Variants in SLC30A5 observed in about 807,000 individuals in gnomAD.
SLC30A5 encodes proton-coupled zinc antiporter SLC30A5.
SLC30A5 carries 33 observed loss-of-function variants against 79.6 expected under a neutral mutation model. The ratio of observed to expected loss-of-function variants is 0.41; its 90% confidence interval spans 0.31 to 0.55. The LOEUF (loss-of-function observed/expected upper bound fraction) is 0.55. Ranked by LOEUF, SLC30A5 falls within the 20% of genes least tolerant of loss-of-function variation. The pLI, the probability that SLC30A5 is intolerant of heterozygous loss-of-function variation, is 0.20. For synonymous variants in SLC30A5, 299 were observed against 319.7 expected (o/e 0.94, Z 0.69); for missense variants, 788 against 928.1 (o/e 0.85, Z 1.96).
chr5:69,120,732 A>G (rs1384215935), intron 12 of SLC30A5, among the ~76,000 whole-genome samples: 1 of 152,212 alleles, frequency 6.6e-6, no homozygotes, highest in Non-Finnish European at 1.5e-5. Context: ...GAAGAAGTAA[A>G]TAACCTCCCT....
intron 2 of SLC30A5, among the ~76,000 whole-genome samples, chr5:69,102,284 C>T (rs1745950184): frequency 6.6e-6 from 1 of 151,374 alleles, no homozygotes; most frequent in Non-Finnish European, 1.5e-5. Flanking sequence ...CAACTCCTGA[C>T]CTCAGGTGAT....
chr5:69,104,279 A>G (rs1177117916), intron 3 of SLC30A5: 8 of 505,890 alleles, frequency 1.6e-5, no homozygotes, highest in Non-Finnish European at 1.8e-5. Flanking sequence ...CTGGAATTAC[A>G]GGCACCCACC....
chr5:69,115,661 A>G (rs543285103), intron 8 of SLC30A5, among the ~76,000 whole-genome samples: 32 of 152,322 alleles, frequency 2.1e-4, no homozygotes, highest in African/African-American at 7.2e-4. Flanking sequence ...TCATTTGAAG[A>G]AGGAGCAATT....
At chr5:69,106,326 C>G (rs115085142) in intron 4 of SLC30A5, among the ~76,000 whole-genome samples, 1 of 152,042 alleles carries the variant, frequency 6.6e-6, no homozygotes, top group Non-Finnish European at 1.5e-5. Context: ...GCTGCTATTG[C>G]TTATCATCTG....
chr5:69,110,215 C>G (rs1487336083), intron 5 of SLC30A5, among the ~76,000 whole-genome samples: 1 of 152,104 alleles, frequency 6.6e-6, no homozygotes, highest in East Asian at 1.9e-4. Context: ...CTTGCAAAAC[C>G]CCCAGCCTTC....
At chr5:69,111,610 T>C (rs1266887541) in intron 5 of SLC30A5, among the ~76,000 whole-genome samples, 1 of 152,202 alleles carries the variant, frequency 6.6e-6, no homozygotes, top group Non-Finnish European at 1.5e-5. Context: ...GGCCTTTTTT[T>C]CTTAATTATG....
In SLC30A5 at chr5:69,129,670, G is replaced by C. The variant is rs372704088; in HGVS notation, c.*53G>C. The C allele has an allele frequency of 1.3e-4, 186 of 1,481,740 alleles. 1 individual carries two copies. In the African/African-American group the frequency reaches 2.2e-3, roughly 17 times the overall value. The allele number at this position is 1,481,740 out of a possible 1,614,324, so 91.8% of individuals were successfully genotyped here. On this transcript the variant is annotated 3_prime_UTR_variant, in exon 16 of 16. Coordinates refer to ENST00000396591, the MANE Select transcript of SLC30A5 (RefSeq NM_022902.5). ...TAAACAATGAAGATTAAATGACTCAGTATTTGTAATATTGCCAGAAGGATA... is the reference window on the plus strand; with the variant it reads ...TAAACAATGAAGATTAAATGACTCACTATTTGTAATATTGCCAGAAGGATA...
chr5:69,122,411 T>G (rs1030538511), intron 13 of SLC30A5, among the ~76,000 whole-genome samples: 5 of 152,168 alleles, frequency 3.3e-5, no homozygotes, highest in Non-Finnish European at 4.4e-5. Flanking sequence ...CCTAGCACTT[T>G]GGGAGGCCAA....
At chr5:69,118,718 TAAG>T in intron 12 of SLC30A5, 90 bp downstream of exon 12, 1 of 1,121,782 alleles carries the variant, frequency 8.9e-7, no homozygotes, top group African/African-American at 1.6e-5. Context: ...GTTATTGCTC[TAAG>T]AAGGTTTTAT....
rs972433045 is a variant in SLC30A5 at position 69,115,151 on chromosome 5, A to G, written c.613-86A>G. 2.9e-3 allele frequency: 873 copies of G among 303,840 alleles called. 33 individuals carry two copies. Among genetic ancestry groups the G allele is most frequent in the Middle Eastern group, 0.013 (12 of 896 alleles). The allele number at this position is 303,840 out of a possible 1,614,324, so 18.8% of individuals were successfully genotyped here. On this transcript the variant is annotated intron_variant, in intron 7 of 15. Transcript: ENST00000396591. ...GTCTCTGGGGAAAAAAAAAAAAAAA[A>G]AAAAAAAAAAAAAAGATCATGTATT...
At chr5:69,115,494 T>G in intron 8 of SLC30A5, 87 bp downstream of exon 8, 1 of 1,086,826 alleles carries the variant, frequency 9.2e-7, no homozygotes, top group Non-Finnish European at 1.3e-6. Flanking sequence ...TTCAATAAAT[T>G]ATATTTTAAT....
rs1422541133 is a variant in SLC30A5, at chr5:69,130,115, G to A, written c.*498G>A. On this transcript the variant is annotated 3_prime_UTR_variant, in exon 16 of 16. Transcript: ENST00000396591. ...AAGTCCATTAAGTAAAATCTGTATT[G>A]CCACTTTAAATGTAAACTAAATTAT... The A allele has an allele frequency of 6.6e-6, 1 of 152,028 alleles. No individual in the cohort carries two copies. Among genetic ancestry groups the A allele is most frequent in the Non-Finnish European group, 1.5e-5 (1 of 67,988 alleles). 9.4% of individuals were successfully genotyped at this position (152,028 alleles called of 1,614,324 possible).
chr5:69,125,898 T>TAAAAAAAAAAAAAAAAA (rs1167851324), intron 14 of SLC30A5, among the ~76,000 whole-genome samples: 5 of 102,478 alleles, frequency 4.9e-5, no homozygotes, highest in Non-Finnish European at 5.5e-5. Context: ...AAAAAAAAAT[T>TAAAAAAAAAAAAAAAAA]AGCTGGGTGT....
intron 12 of SLC30A5, among the ~76,000 whole-genome samples, chr5:69,119,982 T>A (rs1746490726): frequency 7.2e-6 from 1 of 138,738 alleles, no homozygotes. Flanking sequence ...TTGCACCAAC[T>A]GTACTCCAGC....
intron 7 of SLC30A5, 134 bp downstream of exon 7, chr5:69,114,630 C>T (rs1044121532): frequency 6.3e-6 from 4 of 636,940 alleles, no homozygotes; most frequent in African/African-American, 1.8e-5. Flanking sequence ...ACTTTGGGGG[C>T]CAAGGCAGGT....
chr5:69,103,863 A>G, intron 3 of SLC30A5: 1 of 942,782 alleles, frequency 1.1e-6, no homozygotes, highest in Non-Finnish European at 1.5e-6. Flanking sequence ...TTTTTATTAG[A>G]AAGACGAATT....
rs1746822705 is a variant in SLC30A5 at position 69,130,548 on chromosome 5, G to A, written c.*931G>A. On this transcript the variant is annotated 3_prime_UTR_variant, in exon 16 of 16. Coordinates refer to ENST00000396591, the MANE Select transcript of SLC30A5 (RefSeq NM_022902.5). ...TGTAGGTAACTTTTTTCTAATTTCTGGAACATATAGATATATAAGAAATAT... is the reference window on the plus strand; with the variant it reads ...TGTAGGTAACTTTTTTCTAATTTCTAGAACATATAGATATATAAGAAATAT... 1 of 151,826 alleles carries A rather than the reference G, an allele frequency of 6.6e-6. No homozygotes were observed. The highest frequency in any genetic ancestry group is 1.5e-5 in the Non-Finnish European group (1 of 67,960). 9.4% of individuals were successfully genotyped at this position (151,826 alleles called of 1,614,324 possible).
intron 12 of SLC30A5, among the ~76,000 whole-genome samples, chr5:69,119,485 A>G (rs1746477274): frequency 6.6e-6 from 1 of 152,186 alleles, no homozygotes; most frequent in Admixed American, 6.5e-5. Flanking sequence ...ATATGTAAGT[A>G]TCTTCAGGAC....
rs1291062504 is a variant in SLC30A5 at position 69,129,688 on chromosome 5, G to A, written c.*71G>A. ...TGACTCAGTATTTGTAATATTGCCA[G>A]AAGGATAAAAATTACACATTAACTG... On this transcript the variant is annotated 3_prime_UTR_variant, in exon 16 of 16. Transcript: ENST00000396591. 1 of 1,392,460 alleles carries A rather than the reference G, an allele frequency of 7.2e-7. No individual in the cohort carries two copies. The highest frequency in any genetic ancestry group is 2.2e-5 in the Admixed American group (1 of 45,348). 86.3% of individuals were successfully genotyped at this position (1,392,460 alleles called of 1,614,324 possible). A position where few individuals can be genotyped will look rare whatever the true frequency, so the allele number is the denominator to read the frequency against.
Sources: allele counts gnomAD v4.1 joint callset (sites outside exome capture counted in the v4.1 genomes callset), GRCh38; gene constraint gnomAD v4.1.1; transcripts MANE v1.5; gene names NCBI Gene and HGNC (gene_info 2026-07-23, HGNC 2026-07-21).